The following DNM3 variants were observed in gnomAD, a reference collection of about 807,000 sequenced individuals.
DNM3 encodes the protein dynamin-3.
A neutral mutation model predicts 101.6 loss-of-function variants in DNM3; 47 were observed. The observed-to-expected ratio is 0.46, with a 90% confidence interval of 0.37 to 0.59. DNM3 has a LOEUF of 0.59. DNM3 is among the 20% of genes least tolerant of loss of function. The pLI is 0.00. For missense variants in DNM3, 849 were observed against 1,085.7 expected (o/e 0.78, Z 3.06); for synonymous variants, 385 against 387.9 (o/e 0.99, Z 0.09).
chr1:172,208,098 G>A (rs959023426), intron 14 of DNM3, among the ~76,000 whole-genome samples: 4 of 152,066 alleles, frequency 2.6e-5, no homozygotes, highest in Non-Finnish European at 5.9e-5. Flanking sequence ...GCACAAAGAT[G>A]TTTATATAAA....
intron 15 of DNM3, among the ~76,000 whole-genome samples, chr1:172,274,314 G>T (rs898918230): frequency 6.6e-6 from 1 of 152,036 alleles, no homozygotes; most frequent in African/African-American, 2.4e-5. Flanking sequence ...ACTAGCTCAG[G>T]ATTGAAAGGG....
chr1:171,869,063 G>A (rs1044490575), intron 1 of DNM3, among the ~76,000 whole-genome samples: 3 of 152,222 alleles, frequency 2.0e-5, no homozygotes, highest in East Asian at 1.9e-4. Flanking sequence ...GATTACAGGC[G>A]TTAGCCACTG....
intron 2 of DNM3, among the ~76,000 whole-genome samples, chr1:171,980,117 T>C (rs2044677388): frequency 6.6e-6 from 1 of 150,958 alleles, no homozygotes; most frequent in Non-Finnish European, 1.5e-5. Context: ...ACTGCAGGAC[T>C]CCCTGAGGTT....
chr1:172,065,786 A>G (rs2051609196), intron 10 of DNM3, among the ~76,000 whole-genome samples: 1 of 152,232 alleles, frequency 6.6e-6, no homozygotes, highest in Non-Finnish European at 1.5e-5. Context: ...AACATAATCT[A>G]TATCCACTGT....
chr1:172,118,077 C>T (rs1300025906), intron 13 of DNM3, among the ~76,000 whole-genome samples: 2 of 152,184 alleles, frequency 1.3e-5, no homozygotes, highest in Non-Finnish European at 2.9e-5. Flanking sequence ...TATATCCTCA[C>T]ATCCTGCACT....
At chr1:172,250,824 G>T (rs1057329984) in intron 14 of DNM3, among the ~76,000 whole-genome samples, 3 of 152,018 alleles carry the variant, frequency 2.0e-5, no homozygotes, top group Non-Finnish European at 4.4e-5. Flanking sequence ...AGGAAGGAAA[G>T]AGTTAAGTAC....
intron 17 of DNM3, among the ~76,000 whole-genome samples, chr1:172,348,043 T>A (rs572891463): frequency 3.9e-5 from 6 of 151,996 alleles, no homozygotes; most frequent in Admixed American, 3.9e-4. Context: ...AAAACCATAA[T>A]AAAAGGAAAG....
intron 15 of DNM3, among the ~76,000 whole-genome samples, chr1:172,285,298 C>T (rs1178992951): frequency 6.6e-6 from 1 of 152,180 alleles, no homozygotes; most frequent in Non-Finnish European, 1.5e-5. Flanking sequence ...TCATGGAGAC[C>T]AGGTTTTTAC....
chr1:172,247,015 T>C (rs1362514972), intron 14 of DNM3, among the ~76,000 whole-genome samples: 1 of 152,188 alleles, frequency 6.6e-6, no homozygotes, highest in African/African-American at 2.4e-5. Flanking sequence ...TGGTATCTCA[T>C]GAGTTTTCAG....
rs1399537486 is a variant in DNM3 at position 172,034,744 on chromosome 1, G to A, written c.849+1479G>A. 2.0e-5 allele frequency among the ~76,000 whole-genome samples: 3 copies of A among 152,154 alleles called. No homozygotes were observed. The East Asian group carries it at 5.8e-4, about 29-fold the overall frequency. ...TCTGCTCCTGTGGGATAATTTATAT[G>A]GAAAATGCTGGAAAATGACATGACG... On this transcript the variant is annotated intron_variant, in intron 6 of 20. Coordinates refer to ENST00000627582, the MANE Select transcript of DNM3 (RefSeq NM_015569.5).
In DNM3 at chr1:172,351,313, G is replaced by A. The variant is rs545999920; in HGVS notation, c.1894-27705G>A. ...TCCAGAGAATGAATACACAAAATGGGAACTAGTGAGTTCCAAAGCTTCTGC... is the reference window on the plus strand; with the variant it reads ...TCCAGAGAATGAATACACAAAATGGAAACTAGTGAGTTCCAAAGCTTCTGC... On this transcript the variant is annotated intron_variant, in intron 17 of 20. Transcript: ENST00000627582. Among the ~76,000 whole-genome samples the A allele has an allele frequency of 1.3e-4, 20 of 152,218 alleles. 1 individual carries two copies. In the South Asian group the frequency reaches 3.9e-3, roughly 30 times the overall value.
intron 15 of DNM3, among the ~76,000 whole-genome samples, chr1:172,304,897 A>G (rs559732385): frequency 6.6e-6 from 1 of 152,332 alleles, no homozygotes; most frequent in East Asian, 1.9e-4. Flanking sequence ...GTAGAGGGAA[A>G]TTTATAGCAC....
intron 13 of DNM3, among the ~76,000 whole-genome samples, chr1:172,107,139 C>T (rs1488528352): frequency 3.3e-5 from 5 of 151,810 alleles, no homozygotes. Context: ...GGATTACAGG[C>T]GTGAGCCACC....
chr1:171,850,767 GTTTTTT>G (rs367677909), intron 1 of DNM3, among the ~76,000 whole-genome samples: 1 of 139,864 alleles, frequency 7.1e-6, no homozygotes, highest in African/African-American at 2.6e-5. Flanking sequence ...TTAGGGCTTT[GTTTTTT>G]TTTTTTTTTC....
chr1:172,346,343 C>T (rs892906264), intron 17 of DNM3, among the ~76,000 whole-genome samples: 3 of 152,176 alleles, frequency 2.0e-5, no homozygotes, highest in African/African-American at 7.2e-5. Context: ...GCATGAAGTG[C>T]ATGTGAAGGT....
intron 1 of DNM3, among the ~76,000 whole-genome samples, chr1:171,844,979 A>G (rs2031843204): frequency 6.6e-6 from 1 of 152,170 alleles, no homozygotes; most frequent in African/African-American, 2.4e-5. Flanking sequence ...GAATAATCTC[A>G]TTTAGTCCTC....
At chr1:171,886,387 T>C (rs541956577) in intron 1 of DNM3, among the ~76,000 whole-genome samples, 3 of 152,304 alleles carry the variant, frequency 2.0e-5, no homozygotes, top group African/African-American at 4.8e-5. Context: ...TAATAGAGGT[T>C]CATACTGAGG....
intron 17 of DNM3, among the ~76,000 whole-genome samples, chr1:172,338,627 T>C (rs1462691082): frequency 6.6e-6 from 1 of 152,170 alleles, no homozygotes; most frequent in East Asian, 1.9e-4. Context: ...AAGGATGATA[T>C]AGAGAAGCCT....
chr1:171,882,477 A>C (rs2036373373), intron 1 of DNM3, among the ~76,000 whole-genome samples: 1 of 151,424 alleles, frequency 6.6e-6, no homozygotes, highest in Non-Finnish European at 1.5e-5. Flanking sequence ...ACCATTTAAG[A>C]GTTAATGGTC....
Sources: allele counts gnomAD v4.1 joint callset (sites outside exome capture counted in the v4.1 genomes callset), GRCh38; gene constraint gnomAD v4.1.1; transcripts MANE v1.5; gene names NCBI Gene and HGNC (gene_info 2026-07-23, HGNC 2026-07-21).